Variants in ARPP21 observed in about 807,000 individuals in gnomAD.
ARPP21 encodes cAMP-regulated phosphoprotein 21.
A neutral mutation model predicts 113.2 loss-of-function variants in ARPP21; 69 were observed. That is an observed-to-expected ratio of 0.61 (90% CI 0.50 to 0.74). The LOEUF is 0.74. Among genes scored for constraint, ARPP21 ranks in the 30% least tolerant of loss-of-function variants. The probability of loss-of-function intolerance (pLI) is 0.00; values close to 1 mark genes in which losing one functional copy is unlikely to be tolerated. For missense variants in ARPP21, 1,070 were observed against 1,037.4 expected, an observed-to-expected ratio of 1.03 and a Z score of -0.43; for synonymous variants, 368 against 375.5, an observed-to-expected ratio of 0.98 and a Z score of 0.23.
At chr3:35,726,820 C>A (rs2093572247) in intron 14 of ARPP21, among the ~76,000 whole-genome samples, 2 of 152,158 alleles carry the variant, frequency 1.3e-5, no homozygotes, top group African/African-American at 4.8e-5. Context: ...GCCCCTCAGT[C>A]TGGAGATGAG....
chr3:35,714,789 C>A (rs1165676846), intron 11 of ARPP21, among the ~76,000 whole-genome samples: 3 of 151,568 alleles, frequency 2.0e-5, no homozygotes, highest in Non-Finnish European at 2.9e-5. Context: ...AGAAGAAAGT[C>A]ATTGATTTTC....
intron 1 of ARPP21, among the ~76,000 whole-genome samples, chr3:35,664,447 C>T (rs911465409): frequency 6.6e-6 from 1 of 152,064 alleles, no homozygotes; most frequent in Non-Finnish European, 1.5e-5. Context: ...CTCCATCATC[C>T]CTCCCACGAT....
chr3:35,725,293 G>A (rs1342358841), intron 14 of ARPP21, among the ~76,000 whole-genome samples: 4 of 152,140 alleles, frequency 2.6e-5, no homozygotes, highest in Admixed American at 6.5e-5. Flanking sequence ...GAGCTTCCTG[G>A]ATTGTAAAAG....
At chr3:35,691,136 G>C in intron 9 of ARPP21, 131 bp downstream of exon 9, 1 of 961,152 alleles carries the variant, frequency 1.0e-6, no homozygotes, top group Non-Finnish European at 1.5e-6. Flanking sequence ...GCTCTTATCA[G>C]AAGTAGTGTG....
chr3:35,749,853 A>G (rs971552520), intron 19 of ARPP21, among the ~76,000 whole-genome samples: 1 of 152,120 alleles, frequency 6.6e-6, no homozygotes, highest in Non-Finnish European at 1.5e-5. Context: ...TATAAAATTG[A>G]TAGTTTTATT....
chr3:35,780,578 GA>G (rs1471153024), intron 19 of ARPP21, among the ~76,000 whole-genome samples: 3 of 151,624 alleles, frequency 2.0e-5, no homozygotes, highest in Non-Finnish European at 4.4e-5. Flanking sequence ...CTCTGTGAGG[GA>G]AAAAAAATAA....
intron 17 of ARPP21, 109 bp from the exon 18 acceptor site, chr3:35,739,208 T>A: frequency 7.7e-7 from 1 of 1,295,364 alleles, no homozygotes; most frequent in African/African-American, 1.5e-5. Flanking sequence ...AAATTGTACT[T>A]CCTGTCTCTC....
intron 14 of ARPP21, among the ~76,000 whole-genome samples, chr3:35,722,784 T>G (rs577041451): frequency 2.0e-5 from 3 of 152,342 alleles, no homozygotes; most frequent in Admixed American, 6.5e-5. Flanking sequence ...CACATGAGTC[T>G]GCAAAATGCC....
intron 15 of ARPP21, among the ~76,000 whole-genome samples, chr3:35,736,021 T>G (rs1044962753): frequency 5.3e-5 from 8 of 152,254 alleles, no homozygotes; most frequent in Non-Finnish European, 1.5e-5. Context: ...GTACTCATTA[T>G]GTAAAATTGG....
chr3:35,693,574 T>C (rs182688024), intron 9 of ARPP21, among the ~76,000 whole-genome samples: 4 of 151,856 alleles, frequency 2.6e-5, no homozygotes, highest in African/African-American at 9.6e-5. Flanking sequence ...AAGTGTTGTT[T>C]TGTGGAAAAT....
intron 1 of ARPP21, among the ~76,000 whole-genome samples, chr3:35,651,118 A>G (rs1702194816): frequency 6.6e-6 from 1 of 152,126 alleles, no homozygotes; most frequent in Non-Finnish European, 1.5e-5. Context: ...TGAAATTTAA[A>G]TGGTTCTGTA....
chr3:35,695,102 G>A (rs956382244), intron 9 of ARPP21, among the ~76,000 whole-genome samples: 2 of 151,072 alleles, frequency 1.3e-5, no homozygotes, highest in Non-Finnish European at 3.0e-5. Flanking sequence ...TCTTCATTTT[G>A]TTATTACAAA....
intron 9 of ARPP21, among the ~76,000 whole-genome samples, chr3:35,697,974 A>G (rs528679764): frequency 1.3e-5 from 2 of 151,578 alleles, no homozygotes; most frequent in African/African-American, 2.4e-5. Context: ...TTAAAAATCT[A>G]TGAGTGGTTG....
chr3:35,787,845 A>T (rs2096664309), intron 19 of ARPP21, among the ~76,000 whole-genome samples: 1 of 152,192 alleles, frequency 6.6e-6, no homozygotes. Flanking sequence ...TTTAGCACAG[A>T]AAAGCAAGGA....
chr3:35,714,257 A>G (rs1333305260), intron 11 of ARPP21, among the ~76,000 whole-genome samples: 3 of 140,958 alleles, frequency 2.1e-5, no homozygotes, highest in African/African-American at 7.4e-5. Flanking sequence ...CTTCACTGAA[A>G]TGCTCATAAA....
chr3:35,745,359 A>T (rs770663603), intron 19 of ARPP21, among the ~76,000 whole-genome samples: 4 of 152,168 alleles, frequency 2.6e-5, no homozygotes, highest in Non-Finnish European at 5.9e-5. Context: ...TTAAAGGGTT[A>T]ATTTACAATC....
Position 35,792,501 on chromosome 3 carries a change from G to C in ARPP21, c.2257G>C (p.Val753Leu). Residue 753 changes from valine (V) to leucine (L), a missense_variant, in exon 20 of 21, where the codon GTT (valine) becomes CTT (leucine). Physicochemically the swap from Val to Leu is conservative, Grantham distance 32. Transcript: ENST00000684406. ...AGGAACTCCGGTGCAAAGCGTGATG[G>C]TTTCCTACCCAACAATGTCTTCTTA... ...QQGTPVQSVM[V>L]SYPTMSSYQV... 6.2e-7 allele frequency: 1 copy of C among 1,614,062 alleles called. No homozygotes were observed. Among genetic ancestry groups the C allele is most frequent in the Non-Finnish European group, 8.5e-7 (1 of 1,179,966 alleles).
At position 35,667,880 on chromosome 3, in the gene ARPP21, GA is replaced by G. The variant is rs56854190; in HGVS notation, c.-212-11905del. Among the ~76,000 whole-genome samples the G allele has an allele frequency of 5.9e-3, 809 of 136,890 alleles. 51 individuals carry two copies. Among genetic ancestry groups the G allele is most frequent in the East Asian group, 4.8e-3 (23 of 4,810 alleles). 89.8% of individuals were successfully genotyped at this position (136,890 alleles called of 152,430 possible). ...AGAAGAAGAAGAAGAAGAAGAAGAA[GA>G]AGAAGAAGAGGAAGAGGAAGAGGAA... On this transcript the variant is annotated intron_variant, in intron 1 of 20. Coordinates refer to ENST00000684406, the MANE Select transcript of ARPP21 (RefSeq NM_001385562.1).
At position 35,721,663 on chromosome 3, in the gene ARPP21, G is replaced by A; in HGVS notation, c.1054G>A (p.Glu352Lys). The A allele has an allele frequency of 6.2e-7, 1 of 1,613,962 alleles. No individual in the cohort carries two copies. Among genetic ancestry groups the A allele is most frequent in the Admixed American group, 1.7e-5 (1 of 59,992 alleles). Residue 352 changes from glutamate (E) to lysine (K), a missense_variant, in exon 14 of 21, where the codon GAA (glutamate) becomes AAA (lysine). Physicochemically the swap from Glu to Lys is moderately conservative, Grantham distance 56 (BLOSUM62 1). Coordinates refer to ENST00000684406, the MANE Select transcript of ARPP21 (RefSeq NM_001385562.1). ...GAGTCGACAGAGCAGCTCAGAAAAT[G>A]AACTCAAGTGGTCTGACCACCAAAG... is the stretch of plus-strand genomic sequence containing the variant. The part of the protein sequence containing the change: ...SGSRQSSSEN[E>K]LKWSDHQRAW...
Sources: gnomAD v4.1 joint callset for allele counts (sites outside exome capture counted in the v4.1 genomes callset) on GRCh38, gnomAD v4.1.1 for gene constraint, MANE v1.5 for transcripts, NCBI Gene and HGNC (gene_info 2026-07-23, HGNC 2026-07-21) for gene names.